The following ZNF844 variants were observed in gnomAD, a reference collection of about 807,000 sequenced individuals.
The protein encoded by ZNF844 is zinc finger protein 844.
ZNF844 carries 11 observed loss-of-function variants against 11.4 expected under a neutral mutation model. The ratio of observed to expected loss-of-function variants is 0.97; its 90% CI spans 0.61 to 1.60. The LOEUF (loss-of-function observed/expected upper bound fraction) is 1.60, where lower values mean the gene tolerates loss of function less well. Among genes scored for constraint, ZNF844 ranks in the 40% most tolerant of loss-of-function variants. The pLI is 0.00. For synonymous variants in ZNF844, 248 were observed against 260.3 expected, an observed-to-expected ratio of 0.95 and a Z score of 0.46; for missense variants, 790 against 796.8, an observed-to-expected ratio of 0.99 and a Z score of 0.10.
At chr19:12,068,178 A>G (rs1481789321) in intron 1 of ZNF844, among the ~76,000 whole-genome samples, 2 of 151,876 alleles carry the variant, frequency 1.3e-5, no homozygotes, top group Non-Finnish European at 2.9e-5. Context: ...GCATGATGGT[A>G]TGTGTCTGTA....
rs1039504273 is a variant in ZNF844, at chr19:12,080,450, A to G, written c.*3329A>G. The G allele has an allele frequency of 3.3e-6, 1 of 301,526 alleles. No homozygotes were observed. The highest frequency in any genetic ancestry group is 6.4e-6 in the Non-Finnish European group (1 of 155,448). 18.7% of individuals were successfully genotyped at this position (301,526 alleles called of 1,614,324 possible). A position where few individuals can be genotyped will look rare whatever the true frequency, so the allele number is the denominator to read the frequency against. On this transcript the variant is annotated 3_prime_UTR_variant, in exon 4 of 4. Transcript: ENST00000439326. ...TTCACCAGTGTCCTATCTTACATGCAATTTCAAAGGCAGACAAGAGGAAGT... is the reference window on the plus strand; with the variant it reads ...TTCACCAGTGTCCTATCTTACATGCGATTTCAAAGGCAGACAAGAGGAAGT...
At chr19:12,074,816 C>T (rs1975788931) in intron 3 of ZNF844, among the ~76,000 whole-genome samples, 2 of 152,172 alleles carry the variant, frequency 1.3e-5, no homozygotes, top group South Asian at 4.1e-4. Flanking sequence ...GATGCCACTG[C>T]ACTCCAGCCT....
At position 12,074,156 on chromosome 19, in the gene ZNF844, A is replaced by C. The variant is rs1216599022; in HGVS notation, c.129A>C (p.Ile43=). The C allele has an allele frequency of 6.2e-7, 1 of 1,613,640 alleles. No homozygotes were observed. Among genetic ancestry groups the C allele is most frequent in the Non-Finnish European group, 8.5e-7 (1 of 1,179,778 alleles). Residue 43 remains isoleucine (I), a splice_region_variant and synonymous_variant, in exon 2 of 4, where the codon ATA becomes ATC. Transcript: ENST00000439326. ...AAACCTTGAGGAATCTGGCCTCCATAGGTAAGAATGACAGTATTACGTCCC... is the reference window on the plus strand; with the variant it reads ...AAACCTTGAGGAATCTGGCCTCCATCGGTAAGAATGACAGTATTACGTCCC... ...MQETLRNLAS[I]GEKWKDQNIE...
intron 1 of ZNF844, among the ~76,000 whole-genome samples, chr19:12,067,959 AGAAGGAAGGAAG>A (rs71166653): frequency 1.5e-5 from 1 of 68,100 alleles, no homozygotes; most frequent in Non-Finnish European, 2.5e-5. Flanking sequence ...AAAGAAGGAA[AGAAGGAAGGAAG>A]GAAGGAAGGA....
chr19:12,065,180 G>A (rs989423673), intron 1 of ZNF844, among the ~76,000 whole-genome samples: 1 of 152,090 alleles, frequency 6.6e-6, no homozygotes, highest in Admixed American at 6.5e-5. Context: ...ATTGTGCGGG[G>A]CCACGGGAGG....
Position 12,076,469 on chromosome 19 carries a change from T to C in ZNF844, c.1349T>C (p.Val450Ala), listed in dbSNP as rs1314230385. Residue 450 changes from valine (V) to alanine (A), a missense_variant, in exon 4 of 4, where the codon GTA (valine) becomes GCA (alanine). Around this residue, in one of 3 missense-constraint regions of ZNF844, gnomAD observed 657 missense variants for 636.2 expected, o/e 1.03. Coordinates refer to ENST00000439326, the MANE Select transcript of ZNF844 (RefSeq NM_001136501.3). ...ACACTGGAGAGAAACCGTATGAGTG[T>C]AAGCAATGTGGGAAAGCCTTCAGAT... ...GLTLERNRMSVSNVGKPSDLP... is the reference protein window; with the variant it reads ...GLTLERNRMSASNVGKPSDLP... The C allele has an allele frequency of 6.2e-7, 1 of 1,612,888 alleles. No individual in the cohort carries two copies. Among genetic ancestry groups the C allele is most frequent in the African/African-American group, 1.3e-5 (1 of 74,408 alleles).
chr19:12,075,337 GAAAA>G lies in ZNF844; in HGVS notation c.218_221del (p.Glu73ValfsTer19). ...AAGTCTTCTGGGAGAGAGAGTTGAT[GAAAA>G]TACAGAAGAAAATCATTGTGGAGAA... On this transcript the variant is annotated frameshift_variant, in exon 4 of 4. Coordinates refer to ENST00000439326, the MANE Select transcript of ZNF844 (RefSeq NM_001136501.3). LOFTEE classifies it low-confidence loss of function (END_TRUNC). The G allele has an allele frequency of 6.8e-7, 1 of 1,477,388 alleles. No homozygotes were observed. The highest frequency in any genetic ancestry group is 1.4e-5 in the South Asian group (1 of 71,676). 91.5% of individuals were successfully genotyped at this position (1,477,388 alleles called of 1,614,324 possible).
chr19:12,073,672 G>T (rs1209661886), intron 1 of ZNF844, among the ~76,000 whole-genome samples: 10 of 147,494 alleles, frequency 6.8e-5, no homozygotes, highest in African/African-American at 2.7e-4. Flanking sequence ...ATAGCCTCAG[G>T]ACTGCTAATG....
At chr19:12,074,745 C>T (rs187053152) in intron 3 of ZNF844, among the ~76,000 whole-genome samples, 4 of 152,188 alleles carry the variant, frequency 2.6e-5, no homozygotes, top group South Asian at 2.1e-4. Flanking sequence ...CTAGCTACAT[C>T]GAAGGCTGAG....
Position 12,076,205 on chromosome 19 carries a change from G to A in ZNF844, c.1085G>A (p.Arg362Lys), listed in dbSNP as rs79356129. The A allele has an allele frequency of 4.0e-3, 6,364 of 1,594,106 alleles. 314 individuals are homozygous for A. In the East Asian group the frequency reaches 0.11, roughly 27 times the overall value. ...QRHMKMHTRM[R>K]PYKCKTVEKP... The stretch of plus-strand genomic sequence containing the variant: ...CACATGAAAATGCACACTAGAATGA[G>A]ACCTTATAAATGTAAGACTGTGGAA... The change falls in exon 4 of 4, where the codon AGA becomes AAA. Residue 362 changes from arginine (R) to lysine (K), a missense_variant. Arg to Lys is a conservative substitution (Grantham distance 26, BLOSUM62 2). Coordinates refer to ENST00000439326, the MANE Select transcript of ZNF844 (RefSeq NM_001136501.3).
In ZNF844 at chr19:12,075,739, C is replaced by T. The variant is rs2038038578; in HGVS notation, c.619C>T (p.Pro207Ser). The change falls in exon 4 of 4, where the codon CCT (proline) becomes TCT (serine). Residue 207 changes from proline (P) to serine (S), a missense_variant. Physicochemically the swap from Pro to Ser is moderately conservative, Grantham distance 74 (BLOSUM62 -1). Around this residue, in one of 3 missense-constraint regions of ZNF844, gnomAD observed 657 missense variants for 636.2 expected, o/e 1.03. Coordinates refer to ENST00000439326, the MANE Select transcript of ZNF844 (RefSeq NM_001136501.3). The part of the protein sequence containing the change: ...YKCKFCGKAC[P>S]CLSIYLIHER... ...ATGTAAGTTTTGTGGGAAAGCCTGC[C>T]CTTGTCTCAGCATATATCTTATACA... is the stretch of plus-strand genomic sequence containing the variant. 13 of 1,613,820 alleles carry T rather than the reference C, an allele frequency of 8.1e-6. No homozygotes were observed. The highest frequency in any genetic ancestry group is 1.1e-5 in the Non-Finnish European group (13 of 1,179,924).
At position 12,079,023 on chromosome 19, in the gene ZNF844, T is replaced by C. The variant is rs1975863381; in HGVS notation, c.*1902T>C. ...CGCCACCACGCCCAGCTAATTTTTG[T>C]ATTTTTAGTAGAGACGGGGCTTCAC... On this transcript the variant is annotated 3_prime_UTR_variant, in exon 4 of 4. Coordinates refer to ENST00000439326, the MANE Select transcript of ZNF844 (RefSeq NM_001136501.3). 6.6e-6 allele frequency: 1 copy of C among 152,178 alleles called. No individual in the cohort carries two copies. Among genetic ancestry groups the C allele is most frequent in the Admixed American group, 6.5e-5 (1 of 15,268 alleles). 9.4% of individuals were successfully genotyped at this position (152,178 alleles called of 1,614,324 possible).
At position 12,075,981 on chromosome 19, in the gene ZNF844, A is replaced by C; in HGVS notation, c.861A>C (p.Gly287=). The C allele has an allele frequency of 6.3e-7, 1 of 1,588,540 alleles. No homozygotes were observed. Among genetic ancestry groups the C allele is most frequent in the Non-Finnish European group, 8.6e-7 (1 of 1,166,934 alleles). ...AGCCATATGAATGCAAACAATGTGG[A>C]AAAGCCTTCAGATGGTTCCATTCCT... ...GEKPYECKQC[G]KAFRWFHSFQ... Residue 287 remains glycine, a synonymous_variant, in exon 4 of 4, where the codon GGA becomes GGC. Transcript: ENST00000439326.
chr19:12,076,581 T>C lies in ZNF844; in HGVS notation c.1461T>C (p.Phe487=). 6.2e-7 allele frequency: 1 copy of C among 1,611,164 alleles called. No homozygotes were observed. Among genetic ancestry groups the C allele is most frequent in the East Asian group, 2.2e-5 (1 of 44,626 alleles). ...GCAGTGTGGTAAAGCCTTCATTTTT[T>C]CCACTTCCTTTCGATATCATGAAAG... ...NVSSVVKPSF[F]PLPFDIMKGL... Residue 487 remains phenylalanine (F), a synonymous_variant, in exon 4 of 4, where the codon TTT becomes TTC. Transcript: ENST00000439326.
At position 12,076,416 on chromosome 19, in the gene ZNF844, A is replaced by C; in HGVS notation, c.1296A>C (p.Pro432=). The C allele has an allele frequency of 1.2e-6, 2 of 1,609,808 alleles. No homozygotes were observed. The highest frequency in any genetic ancestry group is 1.7e-6 in the Non-Finnish European group (2 of 1,176,974). Residue 432 remains proline, a synonymous_variant, in exon 4 of 4, where the codon CCA becomes CCC. Coordinates refer to ENST00000439326, the MANE Select transcript of ZNF844 (RefSeq NM_001136501.3). ...VSSVVKPSFL[P]LPFDIMKGLT... The stretch of plus-strand genomic sequence containing the variant: ...GTGTAGTAAAGCCTTCATTTCTTCC[A>C]CTTCCTTTCGATATCATGAAAGGAC...
chr19:12,064,759 T>G lies in ZNF844; in HGVS notation c.-115T>G. ...CTTTGGCCCCTCCCGCCGGGTGAGGTTGGCACCCCGTTTTTCCTGCTCTGA... is the reference window on the plus strand; with the variant it reads ...CTTTGGCCCCTCCCGCCGGGTGAGGGTGGCACCCCGTTTTTCCTGCTCTGA... On this transcript the variant is annotated 5_prime_UTR_variant, in exon 1 of 4. Coordinates refer to ENST00000439326, the MANE Select transcript of ZNF844 (RefSeq NM_001136501.3). The G allele has an allele frequency of 8.7e-7, 1 of 1,153,136 alleles. No individual in the cohort carries two copies. Among genetic ancestry groups the G allele is most frequent in the Non-Finnish European group, 1.2e-6 (1 of 815,180 alleles). 71.4% of individuals were successfully genotyped at this position (1,153,136 alleles called of 1,614,324 possible). A position where few individuals can be genotyped will look rare whatever the true frequency, so the allele number is the denominator to read the frequency against.
Position 12,075,356 on chromosome 19 carries a change from A to T in ZNF844, c.236A>T (p.His79Leu). Residue 79 changes from histidine (H) to leucine (L), a missense_variant, in exon 4 of 4, where the codon CAT becomes CTT. By Grantham distance (99) the His-to-Leu change is moderately conservative. Coordinates refer to ENST00000439326, the MANE Select transcript of ZNF844 (RefSeq NM_001136501.3). ...ERVDENTEEN[H>L]CGETSSQIPD... ...GTTGATGAAAATACAGAAGAAAATC[A>T]TTGTGGAGAAACTTCTAGCCAGATT... 1 of 1,520,578 alleles carries T rather than the reference A, an allele frequency of 6.6e-7. No individual in the cohort carries two copies. The highest frequency in any genetic ancestry group is 8.8e-7 in the Non-Finnish European group (1 of 1,136,720). 94.2% of individuals were successfully genotyped at this position (1,520,578 alleles called of 1,614,324 possible).
rs1389560263 is a variant in ZNF844, at chr19:12,076,526, TCA to T, written c.1410_1411del (p.Leu471GlnfsTer172). On this transcript the variant is annotated frameshift_variant, in exon 4 of 4. Transcript: ENST00000439326. LOFTEE classifies it low-confidence loss of function (END_TRUNC). ...CACACCTTCAAATGCATGGAAGGAC[TCA>T]CACTCAAGAGAAACCCTATGAATGT... 6 of 1,609,524 alleles carry T rather than the reference TCA, an allele frequency of 3.7e-6. No homozygotes were observed. The highest frequency in any genetic ancestry group is 2.2e-5 in the East Asian group (1 of 44,628).
Position 12,079,787 on chromosome 19 carries a change from A to G in ZNF844, c.*2666A>G, listed in dbSNP as rs1296859367. ...TGGCAAAACCCCATCGCTACTAAAA[A>G]TACAAAAAATTAGATGGGCATGGTG... On this transcript the variant is annotated 3_prime_UTR_variant, in exon 4 of 4. Transcript: ENST00000439326. 1 of 152,054 alleles carries G rather than the reference A, an allele frequency of 6.6e-6. No individual in the cohort carries two copies. Among genetic ancestry groups the G allele is most frequent in the African/African-American group, 2.4e-5 (1 of 41,334 alleles). The allele number at this position is 152,054 out of a possible 1,614,324, so 9.4% of individuals were successfully genotyped here. A position where few individuals can be genotyped will look rare whatever the true frequency, so the allele number is the denominator to read the frequency against.
Sources: allele counts gnomAD v4.1 joint callset (sites outside exome capture counted in the v4.1 genomes callset), GRCh38; gene constraint gnomAD v4.1.1; regional missense constraint gnomAD v4.1.1; transcripts MANE v1.5; gene names NCBI Gene and HGNC (gene_info 2026-07-23, HGNC 2026-07-21).